Variants in C5 observed in about 807,000 individuals in gnomAD.
C5 encodes complement C5, also known as C3 and PZP-like alpha-2-macroglobulin domain-containing protein 4.
In C5, 140 loss-of-function variants were observed where a neutral mutation model predicts 218.8. The ratio of observed to expected loss-of-function variants is 0.64; its 90% CI spans 0.56 to 0.74. The LOEUF is 0.74. Among genes scored for constraint, C5 ranks in the 30% least tolerant of loss-of-function variants. The pLI, the probability that C5 is intolerant of heterozygous loss-of-function variation, is 0.00. For missense variants in C5, 1,700 were observed against 1,969.6 expected (o/e 0.86, Z 2.59); for synonymous variants, 614 against 682.3 (o/e 0.90, Z 1.56).
chr9:121,020,026 C>T lies in C5; in HGVS notation c.1456G>A (p.Val486Ile). 1.2e-6 allele frequency: 2 copies of T among 1,612,056 alleles called. No individual in the cohort carries two copies. The highest frequency in any genetic ancestry group is 1.7e-6 in the Non-Finnish European group (2 of 1,178,330). ...LLVGEHLNII[V>I]TPKSPYIDKI... ...TCAATATATGGGCTTTTGGGGGTAA[C>T]AATAATATTCAGATGTTCTCCCACT... The change falls in exon 12 of 41, where the codon GTT becomes ATT. Residue 486 changes from valine (V) to isoleucine (I), a missense_variant. Coordinates refer to ENST00000223642, the MANE Select transcript of C5 (RefSeq NM_001735.3).
intron 18 of C5, among the ~76,000 whole-genome samples, chr9:121,007,758 T>C (rs1003160382): frequency 2.0e-5 from 3 of 152,160 alleles, no homozygotes; most frequent in Admixed American, 1.3e-4. Context: ...ACTGGTAGTG[T>C]GGGGAGCAGT....
chr9:120,996,304 A>G lies in C5; in HGVS notation c.2791-4T>C. On this transcript the variant is annotated splice_region_variant and splice_polypyrimidine_tract_variant and intron_variant, in intron 21 of 40. Transcript: ENST00000223642. ...TTTCCCTTTTGACACCTTCTGGCTAAAATAAAGGCAGAAAACATTCAGTTA... is the reference window on the plus strand; with the variant it reads ...TTTCCCTTTTGACACCTTCTGGCTAGAATAAAGGCAGAAAACATTCAGTTA... The G allele has an allele frequency of 6.2e-7, 1 of 1,610,796 alleles. No homozygotes were observed. Among genetic ancestry groups the G allele is most frequent in the Non-Finnish European group, 8.5e-7 (1 of 1,176,998 alleles).
At chr9:120,978,821 A>G (rs2046971080) in intron 28 of C5, among the ~76,000 whole-genome samples, 1 of 152,152 alleles carries the variant, frequency 6.6e-6, no homozygotes, top group Non-Finnish European at 1.5e-5. Flanking sequence ...CCTTTGCTCA[A>G]AATCCCCCAG....
chr9:120,990,985 T>C (rs1386717221), intron 23 of C5, among the ~76,000 whole-genome samples: 1 of 152,122 alleles, frequency 6.6e-6, no homozygotes, highest in Admixed American at 6.5e-5. Flanking sequence ...TGCATCTCCA[T>C]GTAAATCAGG....
At chr9:120,983,739 G>A (rs2047012558) in intron 25 of C5, among the ~76,000 whole-genome samples, 1 of 151,942 alleles carries the variant, frequency 6.6e-6, no homozygotes, top group Non-Finnish European at 1.5e-5. Context: ...TTGAGCCCAG[G>A]AGGTAGAGGC....
intron 28 of C5, among the ~76,000 whole-genome samples, chr9:120,978,959 A>T (rs1402426542): frequency 1.3e-5 from 2 of 152,156 alleles, no homozygotes; most frequent in African/African-American, 2.4e-5. Context: ...AAACTAGGGT[A>T]TGTGGCCGGG....
intron 36 of C5, among the ~76,000 whole-genome samples, chr9:120,962,298 A>G (rs1006923448): frequency 1.3e-5 from 2 of 152,224 alleles, no homozygotes; most frequent in Non-Finnish European, 2.9e-5. Context: ...AAGTGTAACA[A>G]GAATATAGAT....
chr9:121,026,529 ATTCTTTGTT>A (rs925015216), intron 8 of C5, among the ~76,000 whole-genome samples: 9 of 152,300 alleles, frequency 5.9e-5, no homozygotes, highest in African/African-American at 2.2e-4. Flanking sequence ...GAACAGGATA[ATTCTTTGTT>A]GTAGGGGCCT....
intron 20 of C5, among the ~76,000 whole-genome samples, chr9:121,001,510 T>A (rs2047161277): frequency 6.6e-6 from 1 of 152,212 alleles, no homozygotes; most frequent in Middle Eastern, 3.4e-3. Context: ...TAACAAACAA[T>A]ATATAGCGCG....
At chr9:121,066,031 C>T in the C5 span, among the ~76,000 whole-genome samples, 1 of 151,878 alleles carries the variant, frequency 6.6e-6, no homozygotes, top group Non-Finnish European at 1.5e-5. Context: ...AATGCAGCAA[C>T]AGGTTGGGCG....
chr9:121,073,897 GAC>G, the C5 span, among the ~76,000 whole-genome samples: 1 of 152,294 alleles, frequency 6.6e-6, no homozygotes, highest in South Asian at 2.1e-4. Flanking sequence ...AGGAAACTGA[GAC>G]ACAGAGAGAG....
chr9:121,001,376 G>T (rs1291150642), intron 20 of C5, among the ~76,000 whole-genome samples: 1 of 152,070 alleles, frequency 6.6e-6, no homozygotes, highest in Non-Finnish European at 1.5e-5. Flanking sequence ...CATGAAAGAA[G>T]AAATACAAAT....
intron 6 of C5, among the ~76,000 whole-genome samples, 186 bp from the exon 7 acceptor site, chr9:121,030,673 C>T (rs1362857742): frequency 6.6e-6 from 1 of 152,168 alleles, no homozygotes; most frequent in East Asian, 1.9e-4. Flanking sequence ...AACCTTCCCA[C>T]TCCAACAATC....
intron 4 of C5, among the ~76,000 whole-genome samples, chr9:121,036,723 T>G (rs1265663817): frequency 6.6e-6 from 1 of 152,196 alleles, no homozygotes; most frequent in Admixed American, 6.5e-5. Flanking sequence ...GAGAAGGATG[T>G]GTATCACCCC....
At chr9:120,996,618 G>A (rs1397497411) in intron 21 of C5, among the ~76,000 whole-genome samples, 1 of 152,180 alleles carries the variant, frequency 6.6e-6, no homozygotes, top group African/African-American at 2.4e-5. Flanking sequence ...GACAGATGAG[G>A]AGACTGACAC....
the C5 span, among the ~76,000 whole-genome samples, chr9:121,059,833 T>C: frequency 2.7e-4 from 41 of 152,324 alleles, 1 homozygote; most frequent in East Asian, 5.8e-4. The surrounding 1 kb of genome is among the most constrained non-coding windows in gnomAD (Gnocchi z 4.1). Flanking sequence ...AACCACGGCC[T>C]CCCGCCCAGA....
At chr9:120,986,641 AG>A (rs2047035110) in intron 25 of C5, among the ~76,000 whole-genome samples, 1 of 152,150 alleles carries the variant, frequency 6.6e-6, no homozygotes, top group African/African-American at 2.4e-5. Flanking sequence ...TCTGCTCTCC[AG>A]GCATCTATTT....
chr9:120,992,461 A>G (rs2047083941), intron 22 of C5, among the ~76,000 whole-genome samples: 1 of 152,326 alleles, frequency 6.6e-6, no homozygotes, highest in Admixed American at 6.5e-5. Flanking sequence ...TTGTGGGATA[A>G]AAATAATATA....
upstream of C5, among the ~76,000 whole-genome samples, chr9:121,053,732 G>C (rs2047684730): frequency 6.6e-6 from 1 of 152,164 alleles, no homozygotes; most frequent in Admixed American, 6.5e-5. Flanking sequence ...TTGGAGGAGA[G>C]AGAGCAAAGT....
Sources: allele counts gnomAD v4.1 joint callset (sites outside exome capture counted in the v4.1 genomes callset), GRCh38; gene constraint gnomAD v4.1.1; non-coding constraint Gnocchi (gnomAD v3.1); transcripts MANE v1.5; gene names NCBI Gene and HGNC (gene_info 2026-07-23, HGNC 2026-07-21).